The following RNF213 variants were observed in gnomAD, a reference collection of about 807,000 sequenced individuals.
RNF213 encodes the protein E3 ubiquitin-protein ligase RNF213.
A neutral mutation model predicts 514.4 loss-of-function variants in RNF213; 341 were observed. The observed-to-expected ratio is 0.66, with a 90% confidence interval of 0.61 to 0.73. The LOEUF (loss-of-function observed/expected upper bound fraction) is 0.73. RNF213 is among the 30% of genes least tolerant of loss of function. The pLI, the probability that RNF213 is intolerant of heterozygous loss-of-function variation, is 0.00. For synonymous variants in RNF213, 2,655 were observed against 2,658.2 expected, an observed-to-expected ratio of 1.00 and a Z score of 0.04; for missense variants, 5,767 against 6,615.6, an observed-to-expected ratio of 0.87 and a Z score of 4.45.
In RNF213 at chr17:80,382,968, T is replaced by A. The variant is rs758111715; in HGVS notation, c.13979-11T>A. Reference sequence around the variant, plus strand: ...CCTTGGGTAACCTACACATTTGGAGTTTTTTTGTAGGGCTTTTAAATTTTG... The same window carrying A: ...CCTTGGGTAACCTACACATTTGGAGATTTTTTGTAGGGCTTTTAAATTTTG... On this transcript the variant is annotated splice_polypyrimidine_tract_variant and intron_variant, in intron 57 of 67. Transcript: ENST00000582970. 1 of 1,600,292 alleles carries A rather than the reference T, an allele frequency of 6.2e-7. No individual in the cohort carries two copies. The highest frequency in any genetic ancestry group is 1.1e-5 in the South Asian group (1 of 90,788).
Position 80,339,926 on chromosome 17 carries a change from C to A in RNF213, c.5559C>A (p.Ser1853Arg). 3 of 1,536,970 alleles carry A rather than the reference C, an allele frequency of 2.0e-6. No individual in the cohort carries two copies. The highest frequency in any genetic ancestry group is 1.7e-6 in the Non-Finnish European group (2 of 1,146,908). The change falls in exon 26 of 68, where the codon AGC becomes AGA. Residue 1853 changes from serine (S) to arginine (R), a missense_variant. By Grantham distance (110) the Ser-to-Arg change is moderately radical. This residue lies in a region of RNF213 where 1,377 missense variants were observed against 1,635.2 expected (regional missense o/e 0.84). Coordinates refer to ENST00000582970, the MANE Select transcript of RNF213 (RefSeq NM_001256071.3). Reference protein sequence around the residue: ...AALAVYMQTPSQPLPTYDEVL... With the variant: ...AALAVYMQTPRQPLPTYDEVL... ...TGGCTGTCTACATGCAAACCCCAAG[C>A]CAGCCCCTGCCCACTTACGATGAGG...
At chr17:80,314,415 G>GTGA (rs1173710369) in intron 15 of RNF213, among the ~76,000 whole-genome samples, 1 of 868 alleles carries the variant, frequency 1.2e-3, no homozygotes, top group African/African-American at 4.9e-3. Flanking sequence ...GGTGGTGGTG[G>GTGA]TGGTGGAGGT....
At chr17:80,273,034 C>G (rs180987393) in intron 2 of RNF213, among the ~76,000 whole-genome samples, 15 of 152,220 alleles carry the variant, frequency 9.9e-5, no homozygotes, top group African/African-American at 3.6e-4. Flanking sequence ...TGATTCACCC[C>G]TTGTTGTGCT....
chr17:80,348,323 C>A, intron 29 of RNF213, 37 bp downstream of exon 29: 1 of 1,603,780 alleles, frequency 6.2e-7, no homozygotes, highest in South Asian at 1.1e-5. Context: ...TATCCCCTGT[C>A]ACCCAAGAGT....
intron 49 of RNF213, among the ~76,000 whole-genome samples, chr17:80,373,692 T>C (rs1439582657): frequency 1.3e-5 from 2 of 152,126 alleles, no homozygotes; most frequent in African/African-American, 4.8e-5. Context: ...AATAGAAGAA[T>C]TGCAGAAGAG....
Position 80,347,806 on chromosome 17 carries a change from G to C in RNF213, c.9471G>C (p.Val3157=). The change falls in exon 29 of 68, where the codon GTG becomes GTC. Residue 3157 remains valine (V), a synonymous_variant. Transcript: ENST00000582970. The surrounding 1 kb of genome is among the most constrained non-coding windows in gnomAD (Gnocchi z 7.2). ...TTGTCATTGAAGAGAAAGACGTCGT[G>C]TACAAACACTTTCCCATCCCCCTCA... ...RLIVIEEKDV[V]YKHFPIPLIN... is the part of the protein sequence containing the mutation. The C allele has an allele frequency of 6.2e-7, 1 of 1,614,224 alleles. No individual in the cohort carries two copies. Among genetic ancestry groups the C allele is most frequent in the Non-Finnish European group, 8.5e-7 (1 of 1,180,040 alleles).
chr17:80,380,988 G>T lies in RNF213; in HGVS notation c.13797+1G>T. On this transcript the variant is annotated splice_donor_variant, in intron 56 of 67. Transcript: ENST00000582970. LOFTEE classifies it high-confidence loss of function. ...TCTGGGAGCGTCCCAGAGTTCCCAGGTATAACCCAGTGCTGCCAAACAATG... is the reference window on the plus strand; with the variant it reads ...TCTGGGAGCGTCCCAGAGTTCCCAGTTATAACCCAGTGCTGCCAAACAATG... The T allele has an allele frequency of 6.2e-7, 1 of 1,614,142 alleles. No homozygotes were observed. Among genetic ancestry groups the T allele is most frequent in the Non-Finnish European group, 8.5e-7 (1 of 1,180,002 alleles).
At chr17:80,336,610 C>A (rs905627513) in intron 23 of RNF213, 2 of 565,538 alleles carry the variant, frequency 3.5e-6, no homozygotes, top group Non-Finnish European at 6.5e-6. Flanking sequence ...GCAAAACACA[C>A]GTGGAAAAAA....
At chr17:80,359,054 T>C (rs1035322866) in intron 37 of RNF213, among the ~76,000 whole-genome samples, 1 of 152,106 alleles carries the variant, frequency 6.6e-6, no homozygotes, top group Non-Finnish European at 1.5e-5. Context: ...AGCCCCACAA[T>C]CTGTGCTCCT....
chr17:80,345,248 T>TA lies in RNF213; in HGVS notation c.6914dup (p.Tyr2305Ter). 1 of 1,614,002 alleles carries TA rather than the reference T, an allele frequency of 6.2e-7. No individual in the cohort carries two copies. Reference sequence around the variant, plus strand: ...GAGGTGGGAGTCGGAGCCTCACCCATACGTTTTCTTCAATGACGACCACAC... The same window carrying TA: ...GAGGTGGGAGTCGGAGCCTCACCCATAACGTTTTCTTCAATGACGACCACAC... ...RKRWESEPHP[Y>*]VFFNDDHTTM... The change falls in exon 29 of 68, where the codon TAC becomes TAAC. Residue 2305 changes from tyrosine to a stop codon, truncating the protein, a stop_gained and frameshift_variant. Coordinates refer to ENST00000582970, the MANE Select transcript of RNF213 (RefSeq NM_001256071.3). LOFTEE classifies it high-confidence loss of function. The surrounding 1 kb of genome is among the most constrained non-coding windows in gnomAD (Gnocchi z 6.0).
Position 80,363,246 on chromosome 17 carries a change from A to G in RNF213, c.11500A>G (p.Ile3834Val). 6.2e-7 allele frequency: 1 copy of G among 1,614,068 alleles called. No individual in the cohort carries two copies. ...RLQNFSRILTIYPQVLHSLME... is the reference protein window; with the variant it reads ...RLQNFSRILTVYPQVLHSLME... ...GCAGAACTTTTCCAGAATCCTGACCATCTACCCTCAGGTTCTCCACAGCCT... is the reference window on the plus strand; with the variant it reads ...GCAGAACTTTTCCAGAATCCTGACCGTCTACCCTCAGGTTCTCCACAGCCT... Residue 3834 changes from isoleucine to valine, a missense_variant, in exon 40 of 68, where the codon ATC becomes GTC. By Grantham distance (29) the Ile-to-Val change is conservative. Around this residue, in one of 13 missense-constraint regions of RNF213, gnomAD observed 355 missense variants for 358.0 expected, o/e 0.99. Coordinates refer to ENST00000582970, the MANE Select transcript of RNF213 (RefSeq NM_001256071.3).
intron 29 of RNF213, among the ~76,000 whole-genome samples, 181 bp from the exon 30 acceptor site, chr17:80,349,589 G>T (rs2078430630): frequency 6.6e-6 from 1 of 152,204 alleles, no homozygotes; most frequent in Admixed American, 6.5e-5. Flanking sequence ...GCCCTGTAGG[G>T]CCTCTCGGCC....
Position 80,332,516 on chromosome 17 carries a change from T to A in RNF213, c.4028T>A (p.Ile1343Asn). 6.5e-7 allele frequency: 1 copy of A among 1,537,026 alleles called. No homozygotes were observed. The highest frequency in any genetic ancestry group is 8.7e-7 in the Non-Finnish European group (1 of 1,146,822). The change falls in exon 21 of 68, where the codon ATC (isoleucine) becomes AAC (asparagine). Residue 1343 changes from isoleucine (I) to asparagine (N), a missense_variant. Physicochemically the swap from Ile to Asn is moderately radical, Grantham distance 149. Coordinates refer to ENST00000582970, the MANE Select transcript of RNF213 (RefSeq NM_001256071.3). ...TGGATCAAGGACCGAGTCGAACAGA[T>A]CAAGGAATACCATCACCTGCACCAG... ...RDWIKDRVEQ[I>N]KEYHHLHQAV...
Position 80,347,929 on chromosome 17 carries a change from C to G in RNF213, c.9594C>G (p.Phe3198Leu). The G allele has an allele frequency of 6.2e-7, 1 of 1,614,076 alleles. No individual in the cohort carries two copies. The highest frequency in any genetic ancestry group is 8.5e-7 in the Non-Finnish European group (1 of 1,179,956). The change falls in exon 29 of 68, where the codon TTC (phenylalanine) becomes TTG (leucine). Residue 3198 changes from phenylalanine to leucine, a missense_variant. Around this residue, in one of 13 missense-constraint regions of RNF213, gnomAD observed 919 missense variants for 1,121.0 expected, o/e 0.82. Transcript: ENST00000582970. The surrounding 1 kb of genome is among the most constrained non-coding windows in gnomAD (Gnocchi z 7.2). Reference sequence around the variant, plus strand: ...AGCTCTGTGCGTGGGTGGAGAAGTTCATCAATGTCAAAGCACATCATTTCC... The same window carrying G: ...AGCTCTGTGCGTGGGTGGAGAAGTTGATCAATGTCAAAGCACATCATTTCC... ...VEELCAWVEKFINVKAHHFQK... is the reference protein window; with the variant it reads ...VEELCAWVEKLINVKAHHFQK...
intron 57 of RNF213, 140 bp downstream of exon 57, chr17:80,381,867 CAG>C: frequency 2.3e-6 from 2 of 853,484 alleles, no homozygotes; most frequent in South Asian, 3.1e-5. Flanking sequence ...AGAGAACACA[CAG>C]AGAGAAAACC....
At chr17:80,324,021 A>G (rs765994197) in intron 17 of RNF213, among the ~76,000 whole-genome samples, 1 of 152,164 alleles carries the variant, frequency 6.6e-6, no homozygotes, top group Non-Finnish European at 1.5e-5. Flanking sequence ...TAAATTTTCT[A>G]TACATAAGAT....
chr17:80,295,547 C>G lies in RNF213; in HGVS notation c.1756-10C>G, dbSNP rs2044904594. The stretch of plus-strand genomic sequence containing the variant: ...ATGGTTCATGCATCTTCCTCTTCTC[C>G]CACCATCAGGTGAAGAGATACCTGT... On this transcript the variant is annotated splice_polypyrimidine_tract_variant and intron_variant, in intron 9 of 67. Transcript: ENST00000582970. The G allele has an allele frequency of 6.2e-7, 1 of 1,614,060 alleles. No homozygotes were observed. Among genetic ancestry groups the G allele is most frequent in the South Asian group, 1.1e-5 (1 of 91,044 alleles).
At chr17:80,283,826 T>G (rs892711050) in intron 3 of RNF213, among the ~76,000 whole-genome samples, 4 of 152,236 alleles carry the variant, frequency 2.6e-5, no homozygotes, top group African/African-American at 9.6e-5. Context: ...AGAGCCTGAT[T>G]ATGTCATCGA....
At chr17:80,292,551 G>C (rs554882287) in intron 8 of RNF213, among the ~76,000 whole-genome samples, 3 of 152,238 alleles carry the variant, frequency 2.0e-5, no homozygotes, top group African/African-American at 7.2e-5. Flanking sequence ...GACATCCAGA[G>C]CCCCGTCTGC....
Sources: allele counts gnomAD v4.1 joint callset (sites outside exome capture counted in the v4.1 genomes callset), GRCh38; gene constraint gnomAD v4.1.1; regional missense constraint gnomAD v4.1.1; non-coding constraint Gnocchi (gnomAD v3.1); transcripts MANE v1.5; gene names NCBI Gene and HGNC (gene_info 2026-07-23, HGNC 2026-07-21).